RSPH1: variants seen among roughly 807,000 people sequenced by gnomAD.
RSPH1 encodes radial spoke head component 1.
In RSPH1, 32 loss-of-function variants were observed where a neutral mutation model predicts 44.2. That is an observed-to-expected ratio of 0.72 (90% confidence interval 0.55 to 0.97). The LOEUF is 0.97. Ranked by LOEUF, RSPH1 falls within the 50% of genes least tolerant of loss-of-function variation. The pLI, the probability that RSPH1 is intolerant of heterozygous loss-of-function variation, is 0.00. For missense variants in RSPH1, 391 were observed against 398.7 expected (o/e 0.98, Z 0.16); for synonymous variants, 134 against 147.3 (o/e 0.91, Z 0.65).
intron 3 of RSPH1, among the ~76,000 whole-genome samples, chr21:42,488,150 G>A (rs1242397744): frequency 6.6e-6 from 1 of 152,250 alleles, no homozygotes; most frequent in Non-Finnish European, 1.5e-5. Flanking sequence ...CCCATGATGT[G>A]ATGTGTGACA....
chr21:42,477,610 T>G (rs554725093), intron 6 of RSPH1, among the ~76,000 whole-genome samples, 166 bp from the exon 7 acceptor site: 1 of 152,344 alleles, frequency 6.6e-6, no homozygotes, highest in East Asian at 1.9e-4. Context: ...CTATCCATGG[T>G]ATAATCTCAG....
At chr21:42,493,301 C>T (rs1043679768) in intron 1 of RSPH1, among the ~76,000 whole-genome samples, 6 of 152,136 alleles carry the variant, frequency 3.9e-5, no homozygotes, top group African/African-American at 7.2e-5. Context: ...ATGTCCAGGG[C>T]GGAAGCCTCG....
intron 8 of RSPH1, 75 bp from the exon 9 acceptor site, chr21:42,472,945 G>A: frequency 9.1e-7 from 1 of 1,100,066 alleles, no homozygotes; most frequent in Non-Finnish European, 1.3e-6. Context: ...TTCACTAACA[G>A]ATCTTTTGCC....
At chr21:42,485,566 G>C (rs1450059813) in intron 5 of RSPH1, 103 bp downstream of exon 5, 3 of 1,386,766 alleles carry the variant, frequency 2.2e-6, no homozygotes, top group East Asian at 2.3e-5. Flanking sequence ...GCCGGACTCA[G>C]TTTTCTCTGA....
In RSPH1 at chr21:42,472,872, T is replaced by G; in HGVS notation, c.878-2A>C. On this transcript the variant is annotated splice_acceptor_variant, in intron 8 of 8. Coordinates refer to ENST00000291536, the MANE Select transcript of RSPH1 (RefSeq NM_080860.4). LOFTEE classifies it high-confidence loss of function. ...CTTCTTCTTCAGAATTAATGTTTCC[T>G]GAAAAGAAAAGAGAAACATGAGTAT... The G allele has an allele frequency of 6.2e-7, 1 of 1,600,070 alleles. No homozygotes were observed. Among genetic ancestry groups the G allele is most frequent in the South Asian group, 1.1e-5 (1 of 90,554 alleles).
At chr21:42,478,031 A>C (rs925360893) in intron 6 of RSPH1, among the ~76,000 whole-genome samples, 8 of 152,222 alleles carry the variant, frequency 5.3e-5, no homozygotes, top group Non-Finnish European at 1.2e-4. Flanking sequence ...ATTATGGGGA[A>C]AAATAAAATT....
Position 42,493,058 on chromosome 21 carries a change from C to T in RSPH1, c.76G>A (p.Glu26Lys), listed in dbSNP as rs374734111. 12 of 1,614,042 alleles carry T rather than the reference C, an allele frequency of 7.4e-6. No homozygotes were observed. The highest frequency in any genetic ancestry group is 1.0e-5 in the Non-Finnish European group (12 of 1,179,992). Residue 26 changes from glutamate (E) to lysine (K), a missense_variant, in exon 2 of 9, where the codon GAG (glutamate) becomes AAG (lysine). Coordinates refer to ENST00000291536, the MANE Select transcript of RSPH1 (RefSeq NM_080860.4). ...CCACGTCCGTGCCTTTCGCCTGCCTCATTCCGACCCCCCTCATATTCCTGG... is the reference window on the plus strand; with the variant it reads ...CCACGTCCGTGCCTTTCGCCTGCCTTATTCCGACCCCCCTCATATTCCTGG... ...DIGEYEGGRN[E>K]AGERHGRGRA...
At chr21:42,477,482 G>C in intron 6 of RSPH1, 38 bp from the exon 7 acceptor site, 2 of 1,601,698 alleles carry the variant, frequency 1.2e-6, no homozygotes, top group Non-Finnish European at 8.6e-7. Flanking sequence ...ACCAACATTT[G>C]TGTCATCTTG....
intron 7 of RSPH1, 39 bp downstream of exon 7, chr21:42,477,228 ACAGCCCGGGGGTGCCCCACACCCT>A: frequency 1.6e-6 from 1 of 638,208 alleles, no homozygotes; most frequent in Non-Finnish European, 2.1e-6. Context: ...CCTCTGTCCC[ACAGCCCGGGGGTGCCCCACACCCT>A]CTGCCCCCTC....
intron 6 of RSPH1, among the ~76,000 whole-genome samples, chr21:42,479,760 C>T (rs2054106911): frequency 6.6e-6 from 1 of 150,754 alleles, no homozygotes; most frequent in South Asian, 2.1e-4. Context: ...CACACACACA[C>T]ATAAATGAAG....
At chr21:42,485,636 T>C (rs1055328194) in intron 5 of RSPH1, 33 bp downstream of exon 5, 2 of 1,613,384 alleles carry the variant, frequency 1.2e-6, no homozygotes, top group Admixed American at 3.3e-5. Flanking sequence ...TATTTTGTAC[T>C]TCATTGGCAA....
At chr21:42,478,307 C>G (rs150872049) in intron 6 of RSPH1, among the ~76,000 whole-genome samples, 1 of 152,362 alleles carries the variant, frequency 6.6e-6, no homozygotes, top group Non-Finnish European at 1.5e-5. Context: ...ACTGGGAAAT[C>G]AATTACTCTC....
intron 6 of RSPH1, 63 bp downstream of exon 6, chr21:42,482,574 C>G: frequency 8.3e-7 from 1 of 1,202,412 alleles, no homozygotes; most frequent in East Asian, 2.4e-5. Context: ...CTTGCAGGAT[C>G]AATATTTTTG....
chr21:42,477,261 TCCAC>T (rs771872236), intron 7 of RSPH1, 26 bp downstream of exon 7: 50 of 1,523,016 alleles, frequency 3.3e-5, no homozygotes, highest in Non-Finnish European at 4.3e-5. Context: ...CTCTGCCCCC[TCCAC>T]CCCACAGCCC....
At chr21:42,483,896 C>T (rs941817433) in intron 5 of RSPH1, among the ~76,000 whole-genome samples, 3 of 152,176 alleles carry the variant, frequency 2.0e-5, no homozygotes, top group Non-Finnish European at 4.4e-5. Flanking sequence ...CTTGACTCCT[C>T]CCATCATCCC....
intron 5 of RSPH1, among the ~76,000 whole-genome samples, chr21:42,483,989 G>GGTGTGT (rs140033070): frequency 1.3e-5 from 2 of 150,690 alleles, no homozygotes; most frequent in South Asian, 2.1e-4. Flanking sequence ...TTGCTTCATT[G>GGTGTGT]GTGTGTGTGT....
At chr21:42,481,783 T>C (rs908297220) in intron 6 of RSPH1, among the ~76,000 whole-genome samples, 1 of 152,212 alleles carries the variant, frequency 6.6e-6, no homozygotes, top group Non-Finnish European at 1.5e-5. Flanking sequence ...TAGGAACACA[T>C]ATATTCCCAC....
In RSPH1 at chr21:42,472,910, C is replaced by T. The variant is rs375444555; in HGVS notation, c.878-40G>A. ...GAAACATGAGTATATCTCATATTTA[C>T]TTTGTTCTATTTTTAAAGCCTTTAT... On this transcript the variant is annotated intron_variant, in intron 8 of 8. Coordinates refer to ENST00000291536, the MANE Select transcript of RSPH1 (RefSeq NM_080860.4). The T allele has an allele frequency of 3.7e-5, 53 of 1,431,830 alleles. No individual in the cohort carries two copies. The African/African-American group carries it at 6.8e-4, about 18-fold the overall frequency. 88.7% of individuals were successfully genotyped at this position (1,431,830 alleles called of 1,614,324 possible). A position where few individuals can be genotyped will look rare whatever the true frequency, so the allele number is the denominator to read the frequency against.
intron 7 of RSPH1, 30 bp downstream of exon 7, chr21:42,477,246 ACACCCTCTGCCCCCT>A: frequency 7.1e-7 from 1 of 1,402,662 alleles, no homozygotes; most frequent in African/African-American, 1.6e-5. Flanking sequence ...GGGGTGCCCC[ACACCCTCTGCCCCCT>A]CCACCCCACA....
Sources: allele counts gnomAD v4.1 joint callset (sites outside exome capture counted in the v4.1 genomes callset), GRCh38; gene constraint gnomAD v4.1.1; transcripts MANE v1.5; gene names NCBI Gene and HGNC (gene_info 2026-07-23, HGNC 2026-07-21).